The following EXOC6B variants were observed in gnomAD, a reference collection of about 807,000 sequenced individuals.
EXOC6B encodes exocyst complex component 6B.
EXOC6B carries 54 observed loss-of-function variants against 113.5 expected under a neutral mutation model. The observed-to-expected ratio is 0.48, with a 90% CI of 0.38 to 0.60. The LOEUF is 0.60. Ranked by LOEUF, EXOC6B falls within the 20% of genes least tolerant of loss-of-function variation. EXOC6B has a pLI of 0.00. For synonymous variants in EXOC6B, 357 were observed against 339.0 expected, an observed-to-expected ratio of 1.05 and a Z score of -0.58; for missense variants, 797 against 977.5, an observed-to-expected ratio of 0.82 and a Z score of 2.46.
rs115417812 is a variant in EXOC6B, at chr2:72,471,797, G to T, written c.1801-6458C>A. Among the ~76,000 whole-genome samples, 812 of 152,200 alleles carry T rather than the reference G, an allele frequency of 5.3e-3. 8 individuals are homozygous for T. Among genetic ancestry groups the T allele is most frequent in the African/African-American group, 0.019 (776 of 41,524 alleles). ...GTCCTGGGGAATGGTTCCAGCTTTT[G>T]CCCATTCTTAAAGGAAAGGCAGTCA... On this transcript the variant is annotated intron_variant, in intron 17 of 21. Coordinates refer to ENST00000272427, the MANE Select transcript of EXOC6B (RefSeq NM_015189.3).
intron 16 of EXOC6B, among the ~76,000 whole-genome samples, chr2:72,483,790 T>G (rs994275154): frequency 1.3e-5 from 2 of 152,204 alleles, no homozygotes; most frequent in African/African-American, 4.8e-5. Context: ...AAAGATAAAA[T>G]GAAGCAATTT....
intron 6 of EXOC6B, 83 bp from the exon 7 acceptor site, chr2:72,575,751 A>G (rs1423645991): frequency 1.6e-6 from 2 of 1,282,198 alleles, no homozygotes; most frequent in African/African-American, 3.1e-5. Context: ...AAAAGAAACA[A>G]AACTTAATTA....
At chr2:72,314,183 C>T (rs1207590399) in intron 20 of EXOC6B, among the ~76,000 whole-genome samples, 1 of 152,164 alleles carries the variant, frequency 6.6e-6, no homozygotes, top group Non-Finnish European at 1.5e-5. Flanking sequence ...TGTATTCCTG[C>T]TATCACTTTG....
intron 7 of EXOC6B, among the ~76,000 whole-genome samples, chr2:72,561,769 G>A (rs77891962): frequency 0.012 from 1,793 of 152,202 alleles, 30 homozygotes; most frequent in African/African-American, 0.041. Context: ...CATCTCCAAC[G>A]AATATTTACA....
intron 1 of EXOC6B, among the ~76,000 whole-genome samples, chr2:72,759,503 T>C (rs147880157): frequency 2.1e-3 from 321 of 152,342 alleles, no homozygotes; most frequent in Admixed American, 4.0e-3. Flanking sequence ...TTAACTATGG[T>C]TCATTTTTCC....
intron 8 of EXOC6B, chr2:72,515,625 C>T (rs571254029): frequency 1.0e-6 from 1 of 989,106 alleles, no homozygotes. Flanking sequence ...GGATTAAACC[C>T]AAAAAACAAA....
intron 1 of EXOC6B, among the ~76,000 whole-genome samples, chr2:72,755,177 G>A (rs1183645757): frequency 6.6e-6 from 1 of 152,022 alleles, no homozygotes; most frequent in Non-Finnish European, 1.5e-5. Context: ...ATCTTGTTTT[G>A]CCTCAAAGTT....
Position 72,430,254 on chromosome 2 carries a change from T to TA in EXOC6B, c.1980+34905dup, listed in dbSNP as rs1480821677. On this transcript the variant is annotated intron_variant, in intron 18 of 21. Transcript: ENST00000272427. ...AGTTGGTCTTTTCTTCCAAATACTA[T>TA]ATGTGGATGGAATAGATGGTTCTCC... is the stretch of plus-strand genomic sequence containing the variant. Among the ~76,000 whole-genome samples the TA allele has an allele frequency of 2.0e-5, 3 of 152,208 alleles. No individual in the cohort carries two copies. The East Asian group carries it at 5.8e-4, about 29-fold the overall frequency.
chr2:72,608,802 T>C (rs1670895761), intron 6 of EXOC6B, among the ~76,000 whole-genome samples: 1 of 151,302 alleles, frequency 6.6e-6, no homozygotes, highest in Admixed American at 6.6e-5. Context: ...TGGGGAAAAA[T>C]AAAGAACAAA....
At position 72,307,161 on chromosome 2, in the gene EXOC6B, G is replaced by GTTTTTTTTTTTTTTTTTTTTT. The variant is rs1553371308; in HGVS notation, c.2196+27785_2196+27786insAAAAAAAAAAAAAAAAAAAAA. The stretch of plus-strand genomic sequence containing the variant: ...TCCATGACTGCAATGGTATAGTCCA[G>GTTTTTTTTTTTTTTTTTTTTT]TTTTTTTTTTTTTGAGACGGAGTCT... On this transcript the variant is annotated intron_variant, in intron 20 of 21. Transcript: ENST00000272427. Among the ~76,000 whole-genome samples, 272 of 128,448 alleles carry GTTTTTTTTTTTTTTTTTTTTT rather than the reference G, an allele frequency of 2.1e-3. 24 individuals are homozygous for GTTTTTTTTTTTTTTTTTTTTT. Among genetic ancestry groups the GTTTTTTTTTTTTTTTTTTTTT allele is most frequent in the African/African-American group, 9.3e-3 (244 of 26,172 alleles). 84.3% of individuals were successfully genotyped at this position (128,448 alleles called of 152,430 possible).
intron 2 of EXOC6B, among the ~76,000 whole-genome samples, chr2:72,740,428 G>C (rs1681226577): frequency 6.6e-6 from 1 of 152,174 alleles, no homozygotes. Context: ...AGAAATAACA[G>C]AAGAGCTTAC....
At chr2:72,209,223 C>CAAAAAAAAAAAAAA (rs1170760516) in intron 20 of EXOC6B, among the ~76,000 whole-genome samples, 10 of 57,094 alleles carry the variant, frequency 1.8e-4, no homozygotes, top group Admixed American at 4.6e-4. Flanking sequence ...AACTCAGTCT[C>CAAAAAAAAAAAAAA]AAAAAAAAAA....
chr2:72,692,383 G>A (rs939703057), intron 6 of EXOC6B, among the ~76,000 whole-genome samples: 11 of 141,792 alleles, frequency 7.8e-5, no homozygotes, highest in African/African-American at 2.1e-4. Context: ...ACAGAGTCTC[G>A]CTCTGTCGCC....
intron 20 of EXOC6B, among the ~76,000 whole-genome samples, chr2:72,319,064 AT>A (rs1687699089): frequency 6.6e-6 from 1 of 151,954 alleles, no homozygotes; most frequent in South Asian, 2.1e-4. Context: ...TATATAAATA[AT>A]TTACATTAAG....
intron 20 of EXOC6B, among the ~76,000 whole-genome samples, chr2:72,252,433 A>G (rs1204837964): frequency 6.6e-6 from 1 of 152,158 alleles, no homozygotes; most frequent in Non-Finnish European, 1.5e-5. Flanking sequence ...AAGTCATGCC[A>G]TTGCACTCCA....
chr2:72,656,882 G>A (rs766185153), intron 6 of EXOC6B, among the ~76,000 whole-genome samples: 15 of 151,850 alleles, frequency 9.9e-5, no homozygotes, highest in Admixed American at 2.6e-4. Flanking sequence ...ACGGAGTTTC[G>A]CTCTTGTTGC....
At chr2:72,351,348 CG>C (rs1689644862) in intron 19 of EXOC6B, among the ~76,000 whole-genome samples, 1 of 152,066 alleles carries the variant, frequency 6.6e-6, no homozygotes, top group African/African-American at 2.4e-5. Flanking sequence ...ACAATAGCGA[CG>C]TAAGAAAAAT....
At chr2:72,581,960 T>A (rs1031251561) in intron 6 of EXOC6B, among the ~76,000 whole-genome samples, 2 of 151,984 alleles carry the variant, frequency 1.3e-5, no homozygotes, top group Non-Finnish European at 2.9e-5. Context: ...CTTCTCCCAA[T>A]AAACAAGGGT....
chr2:72,606,753 C>T lies in EXOC6B; in HGVS notation c.670-31085G>A, dbSNP rs372149632. 6.7e-4 allele frequency among the ~76,000 whole-genome samples: 102 copies of T among 151,592 alleles called. 1 individual carries two copies. Among genetic ancestry groups the T allele is most frequent in the African/African-American group, 4.1e-4 (17 of 41,328 alleles). ...AAGAGGTTTTCCTGCTTCAGCCTCT[C>T]GAGTAGCCCACCATGCTCTGCTAAT... On this transcript the variant is annotated intron_variant, in intron 6 of 21. Coordinates refer to ENST00000272427, the MANE Select transcript of EXOC6B (RefSeq NM_015189.3).
Sources: allele counts gnomAD v4.1 joint callset (sites outside exome capture counted in the v4.1 genomes callset), GRCh38; gene constraint gnomAD v4.1.1; transcripts MANE v1.5; gene names NCBI Gene and HGNC (gene_info 2026-07-23, HGNC 2026-07-21).